ABCA1: variants seen among roughly 807,000 people sequenced by gnomAD.
ABCA1 encodes phospholipid-transporting ATPase ABCA1.
Under a neutral mutation model 262.5 loss-of-function variants are expected in ABCA1, and 133 were observed. The ratio of observed to expected loss-of-function variants is 0.51; its 90% confidence interval spans 0.44 to 0.59. ABCA1 has a LOEUF of 0.59. Ranked by LOEUF, ABCA1 falls within the 20% of genes least tolerant of loss-of-function variation. ABCA1 has a pLI of 0.00. For missense variants in ABCA1, 2,452 were observed against 2,777.5 expected (o/e 0.88, Z 2.63); for synonymous variants, 1,022 against 1,043.5 (o/e 0.98, Z 0.40).
chr9:104,791,024 AAGC>A lies in ABCA1; in HGVS notation c.5822_5824del (p.Cys1941del). On this transcript the variant is annotated inframe_deletion and splice_region_variant, in exon 44 of 50. Coordinates refer to ENST00000374736, the MANE Select transcript of ABCA1 (RefSeq NM_005502.4). ...AGCCCCATTAACTCCCAGGAGCCCA[AAGC>A]ACTGAAAAGGAAAGATTAAGTTGTA... 6.2e-7 allele frequency: 1 copy of A among 1,612,542 alleles called. No homozygotes were observed. Among genetic ancestry groups the A allele is most frequent in the Non-Finnish European group, 8.5e-7 (1 of 1,178,652 alleles).
intron 43 of ABCA1, among the ~76,000 whole-genome samples, 170 bp from the exon 44 acceptor site, chr9:104,791,198 C>T (rs1829393490): frequency 1.3e-5 from 2 of 152,058 alleles, no homozygotes; most frequent in African/African-American, 4.8e-5. Flanking sequence ...CATAATGGGA[C>T]CATTTTAAGT....
intron 2 of ABCA1, among the ~76,000 whole-genome samples, chr9:104,900,742 G>C (rs1564277611): frequency 6.6e-6 from 1 of 152,162 alleles, no homozygotes; most frequent in Non-Finnish European, 1.5e-5. Flanking sequence ...GCCCCCCTGA[G>C]CCCCAGTTCT....
At chr9:104,830,871 C>A in intron 14 of ABCA1, 54 bp downstream of exon 14, 1 of 1,590,846 alleles carries the variant, frequency 6.3e-7, no homozygotes, top group Admixed American at 1.7e-5. Context: ...ATATATACAC[C>A]CCCATCTGGC....
intron 1 of ABCA1, among the ~76,000 whole-genome samples, chr9:104,920,777 T>C (rs1353550816): frequency 6.6e-6 from 1 of 152,218 alleles, no homozygotes; most frequent in East Asian, 1.9e-4. Context: ...CCCAAAGTGC[T>C]GGAATTATAG....
intron 13 of ABCA1, 30 bp downstream of exon 13, chr9:104,831,592 A>C: frequency 6.3e-7 from 1 of 1,591,706 alleles, no homozygotes; most frequent in African/African-American, 1.3e-5. Context: ...CCTCCCCAAG[A>C]CCAGGCTGGT....
intron 24 of ABCA1, among the ~76,000 whole-genome samples, chr9:104,816,665 G>C (rs950137778): frequency 6.6e-6 from 1 of 151,754 alleles, no homozygotes; most frequent in African/African-American, 2.4e-5. Flanking sequence ...GTGGATGGGT[G>C]AATGGATAAC....
chr9:104,864,123 C>A (rs1242306787), intron 5 of ABCA1, among the ~76,000 whole-genome samples: 1 of 152,198 alleles, frequency 6.6e-6, no homozygotes, highest in Non-Finnish European at 1.5e-5. Context: ...TTAGTACCAC[C>A]AATGCCCAGA....
At chr9:104,916,791 T>C (rs1841870970) in intron 1 of ABCA1, among the ~76,000 whole-genome samples, 1 of 152,192 alleles carries the variant, frequency 6.6e-6, no homozygotes, top group Non-Finnish European at 1.5e-5. Context: ...GCAATTCTCC[T>C]GCCTCCACCT....
At chr9:104,864,282 G>T (rs1836881899) in intron 5 of ABCA1, among the ~76,000 whole-genome samples, 1 of 152,056 alleles carries the variant, frequency 6.6e-6, no homozygotes, top group Non-Finnish European at 1.5e-5. Flanking sequence ...AAGAGCCCAG[G>T]GATGTCAGGA....
At chr9:104,826,026 TAG>T in intron 16 of ABCA1, 139 bp from the exon 17 acceptor site, 1 of 849,040 alleles carries the variant, frequency 1.2e-6, no homozygotes, top group Non-Finnish European at 1.9e-6. Context: ...TATTTACCTA[TAG>T]AGTCCCTTTA....
intron 5 of ABCA1, among the ~76,000 whole-genome samples, chr9:104,865,020 A>T (rs1350751842): frequency 6.6e-6 from 1 of 152,216 alleles, no homozygotes; most frequent in African/African-American, 2.4e-5. Context: ...GGGAAGCAGC[A>T]GGGAGGGCCA....
chr9:104,837,858 C>T (rs947618645), intron 9 of ABCA1, among the ~76,000 whole-genome samples: 7 of 152,190 alleles, frequency 4.6e-5, no homozygotes, highest in Non-Finnish European at 1.0e-4. Context: ...GGATAACTCA[C>T]GACTGAGCTG....
intron 13 of ABCA1, among the ~76,000 whole-genome samples, chr9:104,831,419 G>A (rs1451930429): frequency 6.6e-6 from 1 of 152,006 alleles, no homozygotes; most frequent in African/African-American, 2.4e-5. Context: ...TAAATCAAAA[G>A]ATACTGTTAT....
At chr9:104,799,774 C>G in intron 36 of ABCA1, 45 bp downstream of exon 36, 1 of 1,614,102 alleles carries the variant, frequency 6.2e-7, no homozygotes, top group Non-Finnish European at 8.5e-7. Context: ...CTCCATAACC[C>G]TCTCCCTTGC....
At position 104,816,278 on chromosome 9, in the gene ABCA1, C is replaced by T. The variant is rs201696650; in HGVS notation, c.3603G>A (p.Gly1201=). Residue 1201 remains glycine (G), a synonymous_variant, in exon 25 of 50, where the codon GGG becomes GGA. Coordinates refer to ENST00000374736, the MANE Select transcript of ABCA1 (RefSeq NM_005502.4). The part of the protein sequence containing the change: ...VSEARLVEDI[G]HELTYVLPYE... ...ATGGCAGCACATAGGTCAGCTCATG[C>T]CCTATGTCTTCCACCAGCCGGGCTT... is the stretch of plus-strand genomic sequence containing the variant. 7.4e-6 allele frequency: 12 copies of T among 1,614,106 alleles called. No individual in the cohort carries two copies. Among genetic ancestry groups the T allele is most frequent in the Admixed American group, 3.3e-5 (2 of 60,020 alleles).
chr9:104,922,736 G>GATTTTTTTA (rs1199996965), intron 1 of ABCA1, among the ~76,000 whole-genome samples: 2 of 151,764 alleles, frequency 1.3e-5, no homozygotes, highest in Admixed American at 6.6e-5. Context: ...TTTCAAGACG[G>GATTTTTTTA]AGTCTCACTC....
chr9:104,803,176 C>T, intron 33 of ABCA1, 108 bp downstream of exon 33: 1 of 1,282,056 alleles, frequency 7.8e-7, no homozygotes, highest in Non-Finnish European at 1.1e-6. Context: ...TGAGATGGCA[C>T]CCACAAGTGT....
chr9:104,848,540 G>C (rs944400662), intron 7 of ABCA1, among the ~76,000 whole-genome samples: 17 of 151,890 alleles, frequency 1.1e-4, no homozygotes, highest in Admixed American at 6.6e-5. Context: ...GCTTGAACCT[G>C]GGAGGCAGAG....
At chr9:104,913,588 A>G (rs1452892426) in intron 1 of ABCA1, among the ~76,000 whole-genome samples, 1 of 152,130 alleles carries the variant, frequency 6.6e-6, no homozygotes, top group Admixed American at 6.5e-5. Flanking sequence ...AGCAAACTGG[A>G]GCGCTCTCCA....
Sources: gnomAD v4.1 joint callset for allele counts (sites outside exome capture counted in the v4.1 genomes callset) on GRCh38, gnomAD v4.1.1 for gene constraint, MANE v1.5 for transcripts, NCBI Gene and HGNC (gene_info 2026-07-23, HGNC 2026-07-21) for gene names.